Variants in CYP3A43 observed in about 807,000 individuals in gnomAD.
The protein encoded by CYP3A43 is cytochrome P450 3A43.
A neutral mutation model predicts 58.0 loss-of-function variants in CYP3A43; 45 were observed. That is an observed-to-expected ratio of 0.78 (90% CI 0.61 to 0.99). CYP3A43 has a LOEUF of 0.99. Ranked by LOEUF, CYP3A43 falls within the 50% of genes least tolerant of loss-of-function variation. CYP3A43 has a pLI of 0.00. For missense variants in CYP3A43, 593 were observed against 591.9 expected (o/e 1.00, Z -0.02); for synonymous variants, 191 against 201.4 (o/e 0.95, Z 0.44).
chr7:99,858,678 T>G (rs572947417), intron 9 of CYP3A43, among the ~76,000 whole-genome samples: 24 of 75,772 alleles, frequency 3.2e-4, no homozygotes, highest in African/African-American at 9.5e-4. Flanking sequence ...ATTATTATTA[T>G]TATTATTATT....
At chr7:99,865,855 T>G in intron 12 of CYP3A43, 51 bp from the exon 13 acceptor site, 1 of 1,349,212 alleles carries the variant, frequency 7.4e-7, no homozygotes, top group Non-Finnish European at 1.0e-6. Context: ...TGCTTCTATC[T>G]TTTCTTCATT....
intron 6 of CYP3A43, 134 bp downstream of exon 6, chr7:99,848,388 G>A: frequency 2.4e-6 from 2 of 830,972 alleles, no homozygotes; most frequent in South Asian, 1.7e-5. Flanking sequence ...ACTCCAATAG[G>A]CCACCCAAGA....
At chr7:99,846,253 T>C (rs1469888216) in intron 4 of CYP3A43, among the ~76,000 whole-genome samples, 1 of 152,258 alleles carries the variant, frequency 6.6e-6, no homozygotes, top group Admixed American at 6.5e-5. Context: ...CTTTAGGTTT[T>C]CTTTTAGTCC....
intron 7 of CYP3A43, 136 bp downstream of exon 7, chr7:99,849,830 T>C: frequency 1.1e-6 from 1 of 925,006 alleles, no homozygotes; most frequent in Non-Finnish European, 1.6e-6. Flanking sequence ...TTTTGGTACA[T>C]TTAAAGATAT....
chr7:99,847,830 G>C, intron 5 of CYP3A43: 1 of 569,380 alleles, frequency 1.8e-6, no homozygotes, highest in East Asian at 3.6e-5. Flanking sequence ...TGGCCAACAT[G>C]GTGAAACCCC....
chr7:99,858,660 GTATTATTAT>G (rs150747464), intron 9 of CYP3A43, among the ~76,000 whole-genome samples: 8,961 of 142,110 alleles, frequency 0.063, 380 homozygotes, highest in African/African-American at 0.11. Context: ...TCTTCCTGCT[GTATTATTAT>G]TATTATTATT....
Position 99,828,202 on chromosome 7 carries a change from G to A in CYP3A43, c.71+16G>A. The stretch of plus-strand genomic sequence containing the variant: ...TCCTCTATATGTGAGTAACTATGCA[G>A]GCATGTTTGCTCTTAACTCTAAGAC... On this transcript the variant is annotated intron_variant, in intron 1 of 12. Transcript: ENST00000354829. 5 of 1,579,898 alleles carry A rather than the reference G, an allele frequency of 3.2e-6. No homozygotes were observed. Among genetic ancestry groups the A allele is most frequent in the Non-Finnish European group, 4.3e-6 (5 of 1,159,958 alleles).
At chr7:99,859,025 C>T (rs1006865582) in intron 9 of CYP3A43, among the ~76,000 whole-genome samples, 4 of 151,366 alleles carry the variant, frequency 2.6e-5, no homozygotes, top group South Asian at 2.1e-4. Flanking sequence ...CATTGGACTA[C>T]AGTCAATCAC....
chr7:99,864,596 T>C (rs1818375645), intron 12 of CYP3A43, among the ~76,000 whole-genome samples: 1 of 148,698 alleles, frequency 6.7e-6, no homozygotes, highest in Non-Finnish European at 1.5e-5. Context: ...TCTACAAGTC[T>C]TTTCTCTATT....
At chr7:99,834,539 C>T (rs1816985697) in intron 1 of CYP3A43, among the ~76,000 whole-genome samples, 1 of 152,166 alleles carries the variant, frequency 6.6e-6, no homozygotes, top group Non-Finnish European at 1.5e-5. Context: ...GCTGATATGC[C>T]TGTGCTCCAC....
At chr7:99,847,637 A>C (rs950602078) in intron 5 of CYP3A43, 36 bp downstream of exon 5, 1 of 1,610,572 alleles carries the variant, frequency 6.2e-7, no homozygotes, top group Admixed American at 1.7e-5. Context: ...TAGAAACTTA[A>C]AGGATGAATC....
At chr7:99,862,180 A>G (rs1818263490) in intron 11 of CYP3A43, among the ~76,000 whole-genome samples, 1 of 152,196 alleles carries the variant, frequency 6.6e-6, no homozygotes, top group South Asian at 2.1e-4. Context: ...ACATATTTCT[A>G]TATGCATAAG....
chr7:99,857,899 T>A (rs1304359911), intron 9 of CYP3A43, among the ~76,000 whole-genome samples: 1 of 152,056 alleles, frequency 6.6e-6, no homozygotes. Flanking sequence ...AATGTTTAAC[T>A]CAAACACACC....
At chr7:99,861,421 T>C (rs573646186) in intron 10 of CYP3A43, among the ~76,000 whole-genome samples, 192 bp from the exon 11 acceptor site, 35 of 152,142 alleles carry the variant, frequency 2.3e-4, no homozygotes, top group Non-Finnish European at 3.7e-4. Context: ...TCATAACTCC[T>C]CCACACATCT....
intron 10 of CYP3A43, 131 bp from the exon 11 acceptor site, chr7:99,861,482 T>C: frequency 1.2e-6 from 1 of 800,916 alleles, no homozygotes; most frequent in Non-Finnish European, 1.9e-6. Flanking sequence ...TAAAATAATT[T>C]ATAAATGCAA....
chr7:99,851,548 A>T (rs146759234), intron 7 of CYP3A43, among the ~76,000 whole-genome samples: 77 of 152,358 alleles, frequency 5.1e-4, no homozygotes, highest in African/African-American at 1.7e-3. Flanking sequence ...ATGGCTAATA[A>T]AATTGAGCAA....
chr7:99,833,812 C>T (rs1816948646), intron 1 of CYP3A43, among the ~76,000 whole-genome samples: 3 of 152,180 alleles, frequency 2.0e-5, no homozygotes, highest in African/African-American at 7.2e-5. Context: ...TGTCAGGCTA[C>T]TATTGCCTCT....
intron 7 of CYP3A43, among the ~76,000 whole-genome samples, chr7:99,854,290 T>C (rs1817888274): frequency 6.6e-6 from 1 of 150,710 alleles, no homozygotes; most frequent in Non-Finnish European, 1.5e-5. Flanking sequence ...CACTGAAACC[T>C]CTGCCTCCCG....
intron 5 of CYP3A43, chr7:99,847,895 C>T (rs1260561440): frequency 1.5e-5 from 8 of 521,704 alleles, no homozygotes; most frequent in Non-Finnish European, 2.4e-5. Flanking sequence ...GCCTATAATC[C>T]TAGCTGCTCA....
Sources: allele counts gnomAD v4.1 joint callset (sites outside exome capture counted in the v4.1 genomes callset), GRCh38; gene constraint gnomAD v4.1.1; transcripts MANE v1.5; gene names NCBI Gene and HGNC (gene_info 2026-07-23, HGNC 2026-07-21).